The following PLEK2 variants were observed in gnomAD, a reference collection of about 807,000 sequenced individuals.
The protein encoded by PLEK2 is pleckstrin 2, also known as pleckstrin-2.
In PLEK2, 29 loss-of-function variants were observed where a neutral mutation model predicts 43.8. The ratio of observed to expected loss-of-function variants is 0.66; its 90% CI spans 0.49 to 0.90. The LOEUF (loss-of-function observed/expected upper bound fraction) is 0.90, where lower values mean the gene tolerates loss of function less well. Ranked by LOEUF, PLEK2 falls within the 40% of genes least tolerant of loss-of-function variation. The probability of loss-of-function intolerance (pLI) is 0.00; values close to 1 mark genes in which losing one functional copy is unlikely to be tolerated. For missense variants in PLEK2, 398 were observed against 448.1 expected (o/e 0.89, Z 1.01); for synonymous variants, 162 against 173.2 (o/e 0.94, Z 0.51).
At chr14:67,399,173 C>T (rs1323471400) in intron 1 of PLEK2, among the ~76,000 whole-genome samples, 2 of 151,708 alleles carry the variant, frequency 1.3e-5, no homozygotes, top group East Asian at 1.9e-4. Context: ...GTGTGGCAGG[C>T]ATAAAGAGAA....
At chr14:67,390,328 G>C (rs1566622970) in intron 7 of PLEK2, among the ~76,000 whole-genome samples, 1 of 152,146 alleles carries the variant, frequency 6.6e-6, no homozygotes, top group Non-Finnish European at 1.5e-5. Context: ...GCTGGGAAGT[G>C]CCAGTAGGAG....
At chr14:67,390,822 C>T in intron 6 of PLEK2, 76 bp from the exon 7 acceptor site, 1 of 1,021,478 alleles carries the variant, frequency 9.8e-7, no homozygotes, top group Non-Finnish European at 1.6e-6. Context: ...GCATGTAATG[C>T]CAAACCCCCA....
At chr14:67,408,621 G>C (rs1003294877) in intron 1 of PLEK2, among the ~76,000 whole-genome samples, 1 of 152,142 alleles carries the variant, frequency 6.6e-6, no homozygotes, top group Non-Finnish European at 1.5e-5. Flanking sequence ...AACAGAGACA[G>C]TGGTTGCACT....
chr14:67,406,376 G>T (rs2086078999), intron 1 of PLEK2, among the ~76,000 whole-genome samples: 1 of 152,166 alleles, frequency 6.6e-6, no homozygotes, highest in South Asian at 2.1e-4. Context: ...GTGGGGTTAG[G>T]TACATTCCCA....
At chr14:67,392,457 C>T (rs2085976495) in intron 5 of PLEK2, 30 bp from the exon 6 acceptor site, 1 of 1,538,204 alleles carries the variant, frequency 6.5e-7, no homozygotes, top group Non-Finnish European at 9.0e-7. Context: ...AAGGACTCTG[C>T]TACAGAAAAG....
Position 67,404,996 on chromosome 14 carries a change from G to A in PLEK2, c.42+7022C>T, listed in dbSNP as rs550477413. Among the ~76,000 whole-genome samples the A allele has an allele frequency of 7.2e-5, 11 of 152,032 alleles. No individual in the cohort carries two copies. The East Asian group carries it at 1.9e-3, about 27-fold the overall frequency. ...CACCTGTAATCCCAGAATTTTGGGA[G>A]GCCAAAGTAGGCGGGTCACCTGAGG... On this transcript the variant is annotated intron_variant, in intron 1 of 8. Coordinates refer to ENST00000216446, the MANE Select transcript of PLEK2 (RefSeq NM_016445.3).
At chr14:67,407,084 T>A (rs2086083726) in intron 1 of PLEK2, among the ~76,000 whole-genome samples, 1 of 152,110 alleles carries the variant, frequency 6.6e-6, no homozygotes, top group African/African-American at 2.4e-5. Flanking sequence ...ATGTTACAGC[T>A]GGAGAGACCC....
intron 3 of PLEK2, among the ~76,000 whole-genome samples, chr14:67,395,090 G>A (rs1417376593): frequency 6.6e-6 from 1 of 152,146 alleles, no homozygotes; most frequent in Non-Finnish European, 1.5e-5. Flanking sequence ...AGACTAAGAC[G>A]AGATTTTGGG....
At chr14:67,407,627 G>A (rs2086088006) in intron 1 of PLEK2, among the ~76,000 whole-genome samples, 1 of 151,892 alleles carries the variant, frequency 6.6e-6, no homozygotes, top group Non-Finnish European at 1.5e-5. Context: ...TTTTTGTAGA[G>A]ATGAGTTCTC....
intron 3 of PLEK2, 76 bp downstream of exon 3, chr14:67,395,326 C>A (rs541108111): frequency 1.2e-5 from 17 of 1,363,484 alleles, no homozygotes; most frequent in Middle Eastern, 2.5e-4. Flanking sequence ...CAGAGCCCCC[C>A]CAAGGGGCAG....
intron 1 of PLEK2, among the ~76,000 whole-genome samples, chr14:67,399,717 G>A (rs139492308): frequency 1.6e-5 from 2 of 124,752 alleles, no homozygotes; most frequent in African/African-American, 7.3e-5. Context: ...AGAGAAGGGT[G>A]GTTTAGGTGG....
At chr14:67,391,045 G>A (rs758198662) in intron 6 of PLEK2, among the ~76,000 whole-genome samples, 3 of 152,198 alleles carry the variant, frequency 2.0e-5, no homozygotes, top group Non-Finnish European at 4.4e-5. Flanking sequence ...AAGGAGGACA[G>A]GGAGGCAGCA....
At chr14:67,391,594 G>A (rs533873463) in intron 6 of PLEK2, among the ~76,000 whole-genome samples, 1 of 152,314 alleles carries the variant, frequency 6.6e-6, no homozygotes, top group Non-Finnish European at 1.5e-5. Context: ...GTGGTGCCGA[G>A]CCGTGTAGGT....
Position 67,405,658 on chromosome 14 carries a change from C to A in PLEK2, c.42+6360G>T, listed in dbSNP as rs542151676. On this transcript the variant is annotated intron_variant, in intron 1 of 8. Coordinates refer to ENST00000216446, the MANE Select transcript of PLEK2 (RefSeq NM_016445.3). Reference sequence around the variant, plus strand: ...TCTGACATTAGGTTATAAAGGTCTTCTGAGGCTTCTTATTGGCATTCTCTC... The same window carrying A: ...TCTGACATTAGGTTATAAAGGTCTTATGAGGCTTCTTATTGGCATTCTCTC... Among the ~76,000 whole-genome samples, 40 of 152,330 alleles carry A rather than the reference C, an allele frequency of 2.6e-4. 1 individual carries two copies. In the South Asian group the frequency reaches 5.8e-3, roughly 22 times the overall value.
At chr14:67,401,027 T>G (rs565097106) in intron 1 of PLEK2, among the ~76,000 whole-genome samples, 7 of 152,092 alleles carry the variant, frequency 4.6e-5, no homozygotes, top group African/African-American at 1.7e-4. Flanking sequence ...TAGTATGGGA[T>G]GCACTGTGTG....
chr14:67,392,312 C>A lies in PLEK2; in HGVS notation c.771+14G>T. On this transcript the variant is annotated intron_variant, in intron 6 of 8. Coordinates refer to ENST00000216446, the MANE Select transcript of PLEK2 (RefSeq NM_016445.3). ...GAACTGTCCATCTCTCTTCCCTGCT[C>A]ATAGCAGCCATACCTGCTTGGCCAG... is the stretch of plus-strand genomic sequence containing the variant. 1 of 1,509,660 alleles carries A rather than the reference C, an allele frequency of 6.6e-7. No individual in the cohort carries two copies. Among genetic ancestry groups the A allele is most frequent in the Non-Finnish European group, 9.2e-7 (1 of 1,084,580 alleles). The allele number at this position is 1,509,660 out of a possible 1,614,324, so 93.5% of individuals were successfully genotyped here.
Position 67,387,353 on chromosome 14 carries a change from A to G in PLEK2, c.1038T>C (p.Ile346=), listed in dbSNP as rs148717037. 7.4e-4 allele frequency: 1,186 copies of G among 1,611,260 alleles called. 1 individual carries two copies. The highest frequency in any genetic ancestry group is 9.4e-4 in the Non-Finnish European group (1,106 of 1,179,020). Residue 346 remains isoleucine, a synonymous_variant, in exon 9 of 9, where the codon ATT becomes ATC. Transcript: ENST00000216446. ...ASSKAERAEW[I]EAIKKLT ...GTCATGTTAGCTTTTTGATAGCTTC[A>G]ATCCACTCGGCTCGCTCAGCCTTGC...
intron 1 of PLEK2, among the ~76,000 whole-genome samples, chr14:67,402,628 C>T (rs1049630524): frequency 6.6e-6 from 1 of 152,172 alleles, no homozygotes; most frequent in Non-Finnish European, 1.5e-5. Flanking sequence ...TCTCTAAGTC[C>T]ATGAGTTGTT....
intron 3 of PLEK2, among the ~76,000 whole-genome samples, chr14:67,395,159 G>A (rs955833676): frequency 2.0e-5 from 3 of 152,202 alleles, no homozygotes; most frequent in Non-Finnish European, 4.4e-5. Flanking sequence ...CTTGTGTCAT[G>A]GAGGTGTGCA....
Sources: gnomAD v4.1 joint callset for allele counts (sites outside exome capture counted in the v4.1 genomes callset) on GRCh38, gnomAD v4.1.1 for gene constraint, MANE v1.5 for transcripts, NCBI Gene and HGNC (gene_info 2026-07-23, HGNC 2026-07-21) for gene names.